The following CRLS1 variants were observed in gnomAD, a reference collection of about 807,000 sequenced individuals.
CRLS1 encodes cardiolipin synthase 1, also known as cardiolipin synthase (CMP-forming).
A neutral mutation model predicts 37.0 loss-of-function variants in CRLS1; 24 were observed. The observed-to-expected ratio is 0.65, with a 90% CI of 0.47 to 0.91. The LOEUF is 0.91. CRLS1 is among the 40% of genes least tolerant of loss of function. The probability of loss-of-function intolerance (pLI) is 0.00; values close to 1 mark genes in which losing one functional copy is unlikely to be tolerated. For synonymous variants in CRLS1, 135 were observed against 159.7 expected, an observed-to-expected ratio of 0.85 and a Z score of 1.17; for missense variants, 373 against 395.8, an observed-to-expected ratio of 0.94 and a Z score of 0.49.
intron 3 of CRLS1, among the ~76,000 whole-genome samples, chr20:6,029,781 A>G (rs779719334): frequency 1.3e-5 from 2 of 152,250 alleles, no homozygotes; most frequent in Non-Finnish European, 2.9e-5. Flanking sequence ...TGCTTGGCTC[A>G]TATAGCCACA....
Position 6,009,893 on chromosome 20 carries a change from T to C in CRLS1, c.425T>C (p.Leu142Ser). 1 of 1,613,900 alleles carries C rather than the reference T, an allele frequency of 6.2e-7. No individual in the cohort carries two copies. The highest frequency in any genetic ancestry group is 2.2e-5 in the East Asian group (1 of 44,872). ...DFNIALGVFALAGLTDLLDGF... is the reference protein window; with the variant it reads ...DFNIALGVFASAGLTDLLDGF... ...AATATTGCACTAGGAGTTTTTGCTT[T>C]AGCTGGACTAACAGATTTGGTAAGT... The change falls in exon 2 of 7, where the codon TTA becomes TCA. Residue 142 changes from leucine to serine, a missense_variant. By Grantham distance (145) the Leu-to-Ser change is moderately radical. Coordinates refer to ENST00000378863, the MANE Select transcript of CRLS1 (RefSeq NM_019095.6).
intron 5 of CRLS1, among the ~76,000 whole-genome samples, chr20:6,032,318 A>G (rs2123023712): frequency 6.6e-6 from 1 of 150,922 alleles, no homozygotes; most frequent in Middle Eastern, 3.5e-3. Flanking sequence ...TGAATGAGGT[A>G]ATCGGGCCAC....
intron 3 of CRLS1, among the ~76,000 whole-genome samples, chr20:6,029,356 CTCTTT>C (rs1264849815): frequency 2.4e-5 from 3 of 126,398 alleles, no homozygotes; most frequent in Non-Finnish European, 4.8e-5. Context: ...GGATTTGCTG[CTCTTT>C]TTTTTTTTTT....
chr20:6,031,454 CTT>C, intron 4 of CRLS1, 84 bp downstream of exon 4: 1 of 995,930 alleles, frequency 1.0e-6, no homozygotes, highest in South Asian at 1.6e-5. Flanking sequence ...GCGTCAACAT[CTT>C]TTCAATTGAT....
chr20:6,015,610 T>C (rs1978685558), intron 3 of CRLS1, 120 bp downstream of exon 3: 2 of 979,846 alleles, frequency 2.0e-6, no homozygotes, highest in Non-Finnish European at 3.2e-6. Context: ...AACTTTAAAC[T>C]GTTTCCCTAA....
In CRLS1 at chr20:6,039,499, A is replaced by C. The variant is rs1980818985; in HGVS notation, c.*2341A>C. The stretch of plus-strand genomic sequence containing the variant: ...AATATATATAGTGCAGTTCAGTTTT[A>C]GTTTCTGCAGCATGGTTTGGAAACA... On this transcript the variant is annotated 3_prime_UTR_variant, in exon 7 of 7. Transcript: ENST00000378863. 2.0e-5 allele frequency: 3 copies of C among 152,160 alleles called. No individual in the cohort carries two copies. Among genetic ancestry groups the C allele is most frequent in the African/African-American group, 7.2e-5 (3 of 41,440 alleles). The allele number at this position is 152,160 out of a possible 1,614,324, so 9.4% of individuals were successfully genotyped here. A position where few individuals can be genotyped will look rare whatever the true frequency, so the allele number is the denominator to read the frequency against.
intron 3 of CRLS1, among the ~76,000 whole-genome samples, chr20:6,017,286 C>T (rs993938399): frequency 7.9e-5 from 12 of 152,178 alleles, no homozygotes; most frequent in East Asian, 3.8e-4. Flanking sequence ...CAACTTGCTA[C>T]GGAACAGTCT....
intron 3 of CRLS1, among the ~76,000 whole-genome samples, chr20:6,023,014 CTG>C (rs1159179598): frequency 6.6e-6 from 1 of 152,170 alleles, no homozygotes; most frequent in Non-Finnish European, 1.5e-5. Context: ...TTACCTGTCT[CTG>C]TAGCTGTACC....
At chr20:6,027,620 G>A (rs1979820984) in intron 3 of CRLS1, among the ~76,000 whole-genome samples, 1 of 151,898 alleles carries the variant, frequency 6.6e-6, no homozygotes, top group Admixed American at 6.6e-5. Context: ...TTGCCATGTT[G>A]GCCAGGCTGG....
At position 6,032,174 on chromosome 20, in the gene CRLS1, A is replaced by G; in HGVS notation, c.729+94A>G. 3.1e-6 allele frequency: 3 copies of G among 972,652 alleles called. No individual in the cohort carries two copies. In the South Asian group the frequency reaches 4.2e-5, roughly 14 times the overall value. 60.3% of individuals were successfully genotyped at this position (972,652 alleles called of 1,614,324 possible). A position where few individuals can be genotyped will look rare whatever the true frequency, so the allele number is the denominator to read the frequency against. On this transcript the variant is annotated intron_variant, in intron 5 of 6. Coordinates refer to ENST00000378863, the MANE Select transcript of CRLS1 (RefSeq NM_019095.6). The stretch of plus-strand genomic sequence containing the variant: ...GTCAAGAACAGCTGAAAATGAGACA[A>G]ATTTAAATGCATTGAGTATAGAGGC...
intron 3 of CRLS1, chr20:6,015,977 T>C (rs1315852034): frequency 6.5e-6 from 1 of 153,682 alleles, no homozygotes; most frequent in African/African-American, 2.4e-5. Flanking sequence ...ATGAATACTT[T>C]TTCTGATAAG....
At position 6,017,198 on chromosome 20, in the gene CRLS1, G is replaced by A. The variant is rs944759730; in HGVS notation, c.574+1708G>A. ...TATAGGGTTTTACCACGTTGCCCAG[G>A]CTGGAGGCATAATTTTTAAACTGCA... is the stretch of plus-strand genomic sequence containing the variant. On this transcript the variant is annotated intron_variant, in intron 3 of 6. Coordinates refer to ENST00000378863, the MANE Select transcript of CRLS1 (RefSeq NM_019095.6). 7.1e-4 allele frequency among the ~76,000 whole-genome samples: 108 copies of A among 152,094 alleles called. 1 individual carries two copies. The highest frequency in any genetic ancestry group is 2.3e-3 in the African/African-American group (95 of 41,406).
intron 1 of CRLS1, among the ~76,000 whole-genome samples, chr20:6,008,020 T>TC (rs978734999): frequency 2.0e-5 from 3 of 151,846 alleles, no homozygotes; most frequent in Admixed American, 1.3e-4. Context: ...TATTTAATTA[T>TC]CCCTCCAAGC....
intron 2 of CRLS1, among the ~76,000 whole-genome samples, chr20:6,011,797 G>C (rs1978335921): frequency 6.6e-6 from 1 of 151,000 alleles, no homozygotes; most frequent in East Asian, 1.9e-4. Flanking sequence ...TGTTGGCCAG[G>C]CTGGTCTCGA....
At position 6,040,011 on chromosome 20, in the gene CRLS1, G is replaced by A. The variant is rs1199257619; in HGVS notation, c.*2853G>A. On this transcript the variant is annotated 3_prime_UTR_variant, in exon 7 of 7. Coordinates refer to ENST00000378863, the MANE Select transcript of CRLS1 (RefSeq NM_019095.6). ...TACCAGTTTGTGGTAACTTGTTACA[G>A]CAGCTGCAGGAAATTAATAAATGCC... The A allele has an allele frequency of 2.0e-5, 3 of 152,178 alleles. No homozygotes were observed. Among genetic ancestry groups the A allele is most frequent in the African/African-American group, 7.2e-5 (3 of 41,434 alleles). The allele number at this position is 152,178 out of a possible 1,614,324, so 9.4% of individuals were successfully genotyped here. A position where few individuals can be genotyped will look rare whatever the true frequency, so the allele number is the denominator to read the frequency against.
At chr20:6,028,957 T>C (rs1288825126) in intron 3 of CRLS1, among the ~76,000 whole-genome samples, 4 of 152,198 alleles carry the variant, frequency 2.6e-5, no homozygotes, top group Admixed American at 2.6e-4. Flanking sequence ...TTTGGTAACA[T>C]TTTTTAACCA....
At chr20:6,025,415 GAAA>G (rs1196734348) in intron 3 of CRLS1, among the ~76,000 whole-genome samples, 1 of 151,916 alleles carries the variant, frequency 6.6e-6, no homozygotes, top group African/African-American at 2.4e-5. Context: ...CTACTGCTCA[GAAA>G]AAAAAGATTC....
In CRLS1 at chr20:6,006,266, C is replaced by T. The variant is rs1216386765; in HGVS notation, c.20C>T (p.Ala7Val). 4.0e-6 allele frequency: 5 copies of T among 1,251,202 alleles called. No individual in the cohort carries two copies. The African/African-American group carries it at 6.3e-5, about 16-fold the overall frequency. The allele number at this position is 1,251,202 out of a possible 1,614,324, so 77.5% of individuals were successfully genotyped here. The change falls in exon 1 of 7, where the codon GCG becomes GTG. Residue 7 changes from alanine (A) to valine (V), a missense_variant. Ala to Val is a moderately conservative substitution (Grantham distance 64). Coordinates refer to ENST00000378863, the MANE Select transcript of CRLS1 (RefSeq NM_019095.6). ...AGGGCCATGCTAGCCTTGCGCGTGG[C>T]GCGCGGCTCGTGGGGGGCCCTGCGC... is the stretch of plus-strand genomic sequence containing the variant. MLALRV[A>V]RGSWGALRGA...
chr20:6,006,730 C>A, intron 1 of CRLS1, 178 bp downstream of exon 1: 1 of 985,346 alleles, frequency 1.0e-6, no homozygotes, highest in Non-Finnish European at 1.2e-6. Flanking sequence ...GGGTCACCAG[C>A]GGGGTCCACC....
Sources: gnomAD v4.1 joint callset for allele counts (sites outside exome capture counted in the v4.1 genomes callset) on GRCh38, gnomAD v4.1.1 for gene constraint, MANE v1.5 for transcripts, NCBI Gene and HGNC (gene_info 2026-07-23, HGNC 2026-07-21) for gene names.